Variants in HIVEP3 observed in about 807,000 individuals in gnomAD.
HIVEP3 encodes the protein transcription factor HIVEP3.
HIVEP3 carries 49 observed loss-of-function variants against 152.8 expected under a neutral mutation model. That is an observed-to-expected ratio of 0.32 (90% CI 0.26 to 0.41). The LOEUF is 0.41. Ranked by LOEUF, HIVEP3 falls within the 10% of genes least tolerant of loss-of-function variation. The pLI, the probability that HIVEP3 is intolerant of heterozygous loss-of-function variation, is 1.00. For synonymous variants in HIVEP3, 1,269 were observed against 1,289.0 expected (o/e 0.98, Z 0.33); for missense variants, 2,790 against 3,103.3 (o/e 0.90, Z 2.40).
intron 1 of HIVEP3, among the ~76,000 whole-genome samples, chr1:41,953,227 T>C (rs1444853451): frequency 6.6e-6 from 1 of 152,208 alleles, no homozygotes; most frequent in African/African-American, 2.4e-5. Context: ...GTGTGACACT[T>C]GTCACTGTGT....
chr1:41,780,416 T>C (rs969197832), intron 1 of HIVEP3, among the ~76,000 whole-genome samples: 4 of 152,224 alleles, frequency 2.6e-5, no homozygotes, highest in Non-Finnish European at 4.4e-5. Context: ...AAGTCAGACC[T>C]GAGCCAGGTG....
intron 1 of HIVEP3, among the ~76,000 whole-genome samples, chr1:41,885,558 C>T (rs996100259): frequency 3.9e-5 from 6 of 152,046 alleles, no homozygotes; most frequent in Admixed American, 2.6e-4. Context: ...TCCAGCTACG[C>T]GGAGGCTGAG....
chr1:41,566,915 C>G (rs1208743288), intron 5 of HIVEP3, among the ~76,000 whole-genome samples: 1 of 152,070 alleles, frequency 6.6e-6, no homozygotes, highest in African/African-American at 2.4e-5. Flanking sequence ...TCCATCTCCC[C>G]CAAGATGGCC....
At chr1:41,704,230 A>C (rs956295884) in intron 1 of HIVEP3, among the ~76,000 whole-genome samples, 4 of 152,222 alleles carry the variant, frequency 2.6e-5, no homozygotes, top group Non-Finnish European at 5.9e-5. Context: ...CATCGCTTCC[A>C]CCGCTTTCTC....
intron 5 of HIVEP3, among the ~76,000 whole-genome samples, chr1:41,526,583 C>T (rs1642932268): frequency 1.8e-5 from 1 of 56,254 alleles, no homozygotes. Context: ...ACATACACCC[C>T]CACACTCACA....
chr1:41,890,347 G>C (rs146438077), intron 1 of HIVEP3, among the ~76,000 whole-genome samples: 118 of 152,314 alleles, frequency 7.7e-4, no homozygotes, highest in Non-Finnish European at 1.3e-3. Flanking sequence ...AGCTAGGGTA[G>C]AAAAGATGCT....
chr1:41,786,753 TC>T, intron 1 of HIVEP3, among the ~76,000 whole-genome samples: 1 of 140,886 alleles, frequency 7.1e-6, no homozygotes, highest in South Asian at 2.1e-4. Context: ...TAATTTTCTT[TC>T]TTTTTTTTTT....
chr1:41,646,379 C>T (rs964426074), intron 2 of HIVEP3, among the ~76,000 whole-genome samples: 8 of 152,134 alleles, frequency 5.3e-5, no homozygotes, highest in Non-Finnish European at 7.4e-5. Context: ...CCCATGAGTG[C>T]GGGGCACAAC....
At chr1:41,568,663 G>A (rs1037593273) in intron 5 of HIVEP3, among the ~76,000 whole-genome samples, 1 of 152,254 alleles carries the variant, frequency 6.6e-6, no homozygotes, top group Non-Finnish European at 1.5e-5. Flanking sequence ...TTCTAGATAC[G>A]GTTTCAGGGC....
chr1:41,923,125 T>C (rs1399975434), upstream of HIVEP3, among the ~76,000 whole-genome samples: 1 of 152,172 alleles, frequency 6.6e-6, no homozygotes, highest in Non-Finnish European at 1.5e-5. Context: ...AGTGGATTGA[T>C]GGAAGTCAAG....
At chr1:41,644,649 T>C (rs981106667) in intron 2 of HIVEP3, among the ~76,000 whole-genome samples, 2 of 150,282 alleles carry the variant, frequency 1.3e-5, no homozygotes, top group African/African-American at 4.9e-5. Flanking sequence ...GCAATCTTCA[T>C]GCCCATATAA....
chr1:41,796,858 A>T (rs1422915558), intron 1 of HIVEP3, among the ~76,000 whole-genome samples: 1 of 152,224 alleles, frequency 6.6e-6, no homozygotes, highest in Non-Finnish European at 1.5e-5. Context: ...GCTCGTGTGG[A>T]TGAACTTGAA....
intron 1 of HIVEP3, among the ~76,000 whole-genome samples, chr1:41,845,659 G>T (rs1643423226): frequency 6.6e-6 from 1 of 152,074 alleles, no homozygotes; most frequent in Non-Finnish European, 1.5e-5. Flanking sequence ...ATATCACTAG[G>T]TGTCCCAGGG....
At chr1:41,567,711 G>A (rs1200708027) in intron 5 of HIVEP3, among the ~76,000 whole-genome samples, 3 of 152,198 alleles carry the variant, frequency 2.0e-5, no homozygotes, top group Non-Finnish European at 4.4e-5. Context: ...CTGGGAGCTG[G>A]CCCACGAGCC....
chr1:41,877,588 A>AC (rs1450381542), intron 1 of HIVEP3, among the ~76,000 whole-genome samples: 6 of 151,960 alleles, frequency 3.9e-5, no homozygotes, highest in Admixed American at 3.3e-4. Context: ...CATTTCTCAC[A>AC]CCCCCCAACA....
chr1:41,713,171 T>G (rs1312982332), intron 1 of HIVEP3, among the ~76,000 whole-genome samples: 7 of 152,128 alleles, frequency 4.6e-5, no homozygotes, highest in Admixed American at 4.6e-4. Flanking sequence ...ACGGACACCT[T>G]CCCCTCTTGC....
intron 1 of HIVEP3, among the ~76,000 whole-genome samples, chr1:41,882,996 GC>G (rs1557481883): frequency 6.6e-6 from 1 of 152,054 alleles, no homozygotes; most frequent in Non-Finnish European, 1.5e-5. Context: ...CTGTCTAGGA[GC>G]GGGGAGCCAG....
At chr1:41,851,045 T>C (rs999774614) in intron 1 of HIVEP3, among the ~76,000 whole-genome samples, 1 of 152,076 alleles carries the variant, frequency 6.6e-6, no homozygotes, top group Non-Finnish European at 1.5e-5. Context: ...CTGCATCTCA[T>C]CAGCCTTCTC....
intron 1 of HIVEP3, among the ~76,000 whole-genome samples, chr1:41,709,816 C>T (rs969819241): frequency 6.6e-6 from 1 of 152,152 alleles, no homozygotes; most frequent in East Asian, 1.9e-4. Context: ...CATAGGAATG[C>T]CAGATGCAGA....
Sources: allele counts gnomAD v4.1 joint callset (sites outside exome capture counted in the v4.1 genomes callset), GRCh38; gene constraint gnomAD v4.1.1; transcripts MANE v1.5; gene names NCBI Gene and HGNC (gene_info 2026-07-23, HGNC 2026-07-21).